Variants in KCNH8 observed in about 807,000 individuals in gnomAD.
KCNH8 encodes the protein potassium voltage-gated channel subfamily H member 8.
KCNH8 carries 70 observed loss-of-function variants against 103.6 expected under a neutral mutation model. That is an observed-to-expected ratio of 0.68 (90% CI 0.56 to 0.82). The LOEUF is 0.82. Among genes scored for constraint, KCNH8 ranks in the 40% least tolerant of loss-of-function variants. The pLI, the probability that KCNH8 is intolerant of heterozygous loss-of-function variation, is 0.00. For missense variants in KCNH8, 1,217 were observed against 1,329.9 expected (o/e 0.92, Z 1.32); for synonymous variants, 498 against 489.4 (o/e 1.02, Z -0.23).
chr3:19,177,651 G>A lies in KCNH8; in HGVS notation c.76+28856G>A, dbSNP rs1041371466. Among the ~76,000 whole-genome samples the A allele has an allele frequency of 3.3e-5, 5 of 151,948 alleles. 1 individual carries two copies. Among genetic ancestry groups the A allele is most frequent in the African/African-American group, 9.7e-5 (4 of 41,400 alleles). On this transcript the variant is annotated intron_variant, in intron 1 of 15. Coordinates refer to ENST00000328405, the MANE Select transcript of KCNH8 (RefSeq NM_144633.3). ...ATTTTTATACACCTACAGAGACAGA[G>A]AGTGAGAAAGAAAGGAGAGAGAACA...
chr3:19,459,996 C>A (rs2067596636), intron 11 of KCNH8, among the ~76,000 whole-genome samples: 1 of 151,124 alleles, frequency 6.6e-6, no homozygotes, highest in African/African-American at 2.4e-5. Flanking sequence ...CTTTTTTGGT[C>A]ATTTAGTTCT....
intron 15 of KCNH8, among the ~76,000 whole-genome samples, chr3:19,523,329 A>C (rs533199324): frequency 2.6e-5 from 4 of 152,098 alleles, no homozygotes; most frequent in Admixed American, 6.6e-5. Flanking sequence ...CTATGACCTA[A>C]AAGTTAGATT....
chr3:19,337,998 GC>G (rs1173877947), intron 3 of KCNH8, among the ~76,000 whole-genome samples: 3 of 102,210 alleles, frequency 2.9e-5, no homozygotes, highest in Admixed American at 8.3e-5. Flanking sequence ...AGAGAGAGAG[GC>G]GGGGGGGGGA....
At chr3:19,192,504 T>C (rs1439554108) in intron 1 of KCNH8, among the ~76,000 whole-genome samples, 1 of 151,716 alleles carries the variant, frequency 6.6e-6, no homozygotes, top group East Asian at 1.9e-4. Flanking sequence ...AATTTTGATA[T>C]TAGTCTATTT....
chr3:19,221,871 G>A (rs540120808), intron 1 of KCNH8, among the ~76,000 whole-genome samples: 1 of 150,392 alleles, frequency 6.6e-6, no homozygotes, highest in African/African-American at 2.4e-5. Flanking sequence ...TTCTTGAGAC[G>A]GAGTCTCATT....
intron 7 of KCNH8, among the ~76,000 whole-genome samples, chr3:19,429,723 C>T (rs2067091076): frequency 6.6e-6 from 1 of 152,198 alleles, no homozygotes; most frequent in African/African-American, 2.4e-5. Flanking sequence ...CCTCTCCCTC[C>T]TCCTACCCTC....
At chr3:19,347,175 A>G (rs2065740324) in intron 4 of KCNH8, among the ~76,000 whole-genome samples, 1 of 152,120 alleles carries the variant, frequency 6.6e-6, no homozygotes, top group Non-Finnish European at 1.5e-5. Flanking sequence ...ACAGTGCAAA[A>G]AATGAAAGTA....
At chr3:19,375,591 C>T (rs1424364317) in intron 5 of KCNH8, among the ~76,000 whole-genome samples, 2 of 151,916 alleles carry the variant, frequency 1.3e-5, no homozygotes, top group South Asian at 2.1e-4. Context: ...CGTCTGAAGC[C>T]TTCTTCTCTC....
intron 7 of KCNH8, among the ~76,000 whole-genome samples, chr3:19,419,196 T>TG (rs2066909448): frequency 7.9e-6 from 1 of 126,148 alleles, no homozygotes. Context: ...ATGGTTTTGG[T>TG]TTTTTTTTTT....
At position 19,327,671 on chromosome 3, in the gene KCNH8, G is replaced by A. The variant is rs528146414; in HGVS notation, c.443-14916G>A. Reference sequence around the variant, plus strand: ...CTATCTTTCCTTGTTTATTTTTCACGTCTCTCCTGACAATTTCAGTGATGT... The same window carrying A: ...CTATCTTTCCTTGTTTATTTTTCACATCTCTCCTGACAATTTCAGTGATGT... On this transcript the variant is annotated intron_variant, in intron 3 of 15. Transcript: ENST00000328405. Among the ~76,000 whole-genome samples, 34 of 152,124 alleles carry A rather than the reference G, an allele frequency of 2.2e-4. 1 individual carries two copies. In the South Asian group the frequency reaches 5.6e-3, roughly 25 times the overall value.
At chr3:19,167,039 A>G (rs2125190359) in intron 1 of KCNH8, among the ~76,000 whole-genome samples, 1 of 152,300 alleles carries the variant, frequency 6.6e-6, no homozygotes, top group East Asian at 1.9e-4. Flanking sequence ...TTTGCATAAT[A>G]TTTCCAAATG....
chr3:19,358,238 ATTCT>A (rs139424901), intron 5 of KCNH8, among the ~76,000 whole-genome samples: 14,591 of 107,012 alleles, frequency 0.14, 771 homozygotes, highest in East Asian at 0.22. Context: ...TCTTTCTTTC[ATTCT>A]TTCTTTCTTT....
intron 2 of KCNH8, among the ~76,000 whole-genome samples, chr3:19,268,913 A>C (rs920004131): frequency 1.3e-5 from 2 of 152,128 alleles, no homozygotes; most frequent in African/African-American, 4.8e-5. Flanking sequence ...AATTGACAAG[A>C]TTTGGCAATA....
At chr3:19,432,370 C>A (rs543839131) in intron 7 of KCNH8, among the ~76,000 whole-genome samples, 1 of 152,082 alleles carries the variant, frequency 6.6e-6, no homozygotes, top group Non-Finnish European at 1.5e-5. Context: ...AAATTTGAGA[C>A]GAGACCTGTC....
chr3:19,156,539 G>A (rs1010319769), intron 1 of KCNH8, among the ~76,000 whole-genome samples: 7 of 152,054 alleles, frequency 4.6e-5, no homozygotes, highest in African/African-American at 9.7e-5. Context: ...TTTTAAAATA[G>A]GTATTAAAGA....
chr3:19,355,880 A>G (rs1365207442), intron 5 of KCNH8, among the ~76,000 whole-genome samples: 1 of 140,924 alleles, frequency 7.1e-6, no homozygotes, highest in African/African-American at 2.7e-5. Flanking sequence ...CTTAAAGTAT[A>G]ATAAAATATA....
intron 2 of KCNH8, among the ~76,000 whole-genome samples, chr3:19,261,208 T>C (rs2064430742): frequency 6.6e-6 from 1 of 151,678 alleles, no homozygotes; most frequent in African/African-American, 2.4e-5. Flanking sequence ...CAATCTACAT[T>C]CCTACCAACA....
At chr3:19,314,010 C>T (rs1434805226) in intron 3 of KCNH8, among the ~76,000 whole-genome samples, 1 of 151,704 alleles carries the variant, frequency 6.6e-6, no homozygotes, top group African/African-American at 2.4e-5. Context: ...CAAACGTTCT[C>T]CCCCCACCCC....
At chr3:19,279,644 A>G (rs1391789301) in intron 2 of KCNH8, among the ~76,000 whole-genome samples, 1 of 152,112 alleles carries the variant, frequency 6.6e-6, no homozygotes, top group Non-Finnish European at 1.5e-5. Context: ...AGCATATTTT[A>G]TATTCCATGT....
Sources: allele counts gnomAD v4.1 joint callset (sites outside exome capture counted in the v4.1 genomes callset), GRCh38; gene constraint gnomAD v4.1.1; transcripts MANE v1.5; gene names NCBI Gene and HGNC (gene_info 2026-07-23, HGNC 2026-07-21).